PIK3C2G: variants seen among roughly 807,000 people sequenced by gnomAD.
The protein encoded by PIK3C2G is phosphatidylinositol 3-kinase C2 domain-containing subunit gamma.
A neutral mutation model predicts 181.1 loss-of-function variants in PIK3C2G; 168 were observed. The ratio of observed to expected loss-of-function variants is 0.93; its 90% CI spans 0.82 to 1.05. The LOEUF (loss-of-function observed/expected upper bound fraction) is 1.05. Ranked by LOEUF, PIK3C2G falls within the 50% of genes least tolerant of loss-of-function variation. The probability of loss-of-function intolerance (pLI) is 0.00; values close to 1 mark genes in which losing one functional copy is unlikely to be tolerated. For synonymous variants in PIK3C2G, 573 were observed against 592.2 expected (o/e 0.97, Z 0.47); for missense variants, 1,869 against 1,732.8 (o/e 1.08, Z -1.40).
At chr12:18,543,521 G>GAA (rs1944273447) in intron 25 of PIK3C2G, among the ~76,000 whole-genome samples, 1 of 151,640 alleles carries the variant, frequency 6.6e-6, no homozygotes, top group Non-Finnish European at 1.5e-5. Flanking sequence ...TTATAGCTTT[G>GAA]GGTTTTATAT....
At chr12:18,391,514 G>A (rs1160449362) in intron 15 of PIK3C2G, among the ~76,000 whole-genome samples, 2 of 152,178 alleles carry the variant, frequency 1.3e-5, no homozygotes, top group Admixed American at 1.3e-4. Flanking sequence ...ACAAAGCAGA[G>A]AGTGATCATA....
At chr12:18,331,963 T>C (rs1938019366) in intron 8 of PIK3C2G, among the ~76,000 whole-genome samples, 1 of 152,168 alleles carries the variant, frequency 6.6e-6, no homozygotes, top group Non-Finnish European at 1.5e-5. Context: ...ATTTTAAAAA[T>C]CTTTTTATTA....
intron 5 of PIK3C2G, among the ~76,000 whole-genome samples, chr12:18,312,634 G>T (rs1431619531): frequency 6.6e-6 from 1 of 152,070 alleles, no homozygotes; most frequent in Non-Finnish European, 1.5e-5. Flanking sequence ...CATGACTTTT[G>T]TCTAGATTGG....
Position 18,368,209 on chromosome 12 carries a change from G to A in PIK3C2G, c.1749-2971G>A, listed in dbSNP as rs191740813. ...CATTTCATCTGTCTACAAGGAATGT[G>A]TTTTTTACAAACCTGTGTATTAAAT... On this transcript the variant is annotated intron_variant, in intron 12 of 32. Transcript: ENST00000538779. Among the ~76,000 whole-genome samples the A allele has an allele frequency of 4.2e-3, 639 of 152,208 alleles. 3 individuals are homozygous for A. The highest frequency in any genetic ancestry group is 3.9e-3 in the Non-Finnish European group (266 of 68,004).
upstream of PIK3C2G, among the ~76,000 whole-genome samples, chr12:18,258,676 A>G (rs1299242821): frequency 4.6e-5 from 7 of 151,018 alleles, no homozygotes; most frequent in African/African-American, 1.7e-4. Context: ...TTCTACTTAT[A>G]TAGCAGTAGA....
At chr12:18,708,652 C>T in the PIK3C2G span, among the ~76,000 whole-genome samples, 337 of 152,108 alleles carry the variant, frequency 2.2e-3, 1 homozygote, top group African/African-American at 7.2e-3. Context: ...CTTTTTGCCA[C>T]GCCCTCGCCA....
the PIK3C2G span, among the ~76,000 whole-genome samples, chr12:18,655,078 G>T: frequency 0.46 from 69,677 of 151,752 alleles, 16,714 homozygotes; most frequent in East Asian, 0.65. Flanking sequence ...AGAGGCTTTT[G>T]ATGTTTCTTG....
At chr12:18,614,814 T>A (rs1948515110) in intron 31 of PIK3C2G, among the ~76,000 whole-genome samples, 3 of 152,112 alleles carry the variant, frequency 2.0e-5, no homozygotes, top group African/African-American at 7.2e-5. Context: ...CAGTCCAATA[T>A]CTTGCCATCT....
chr12:18,583,885 A>C (rs1211476821), intron 29 of PIK3C2G, among the ~76,000 whole-genome samples: 1 of 152,198 alleles, frequency 6.6e-6, no homozygotes, highest in East Asian at 1.9e-4. Context: ...CTGGAATGAC[A>C]GAAATAGAAT....
intron 26 of PIK3C2G, among the ~76,000 whole-genome samples, chr12:18,561,094 C>T (rs958425917): frequency 1.2e-4 from 19 of 152,152 alleles, no homozygotes; most frequent in African/African-American, 4.6e-4. Context: ...AATTCAGAAA[C>T]TTATTTCCTT....
At chr12:18,368,256 A>G (rs1363733047) in intron 12 of PIK3C2G, among the ~76,000 whole-genome samples, 1 of 152,216 alleles carries the variant, frequency 6.6e-6, no homozygotes, top group Non-Finnish European at 1.5e-5. Context: ...GATACAAATT[A>G]TTGTAATAAT....
At chr12:18,248,476 G>C (rs35103180) in intron 1 of PIK3C2G, among the ~76,000 whole-genome samples, 52,438 of 151,818 alleles carry the variant, frequency 0.35, 9,341 homozygotes, top group Non-Finnish European at 0.4. Flanking sequence ...GGGAGGCTGA[G>C]GCAGGAGAAT....
intron 20 of PIK3C2G, among the ~76,000 whole-genome samples, chr12:18,494,742 T>C (rs1033376055): frequency 4.6e-5 from 7 of 152,152 alleles, no homozygotes; most frequent in Admixed American, 1.3e-4. Context: ...TTCAATACCA[T>C]GATATATGGT....
At chr12:18,683,858 A>C in the PIK3C2G span, among the ~76,000 whole-genome samples, 5 of 152,002 alleles carry the variant, frequency 3.3e-5, no homozygotes, top group Non-Finnish European at 7.4e-5. Flanking sequence ...ACTACTCTTT[A>C]CTGAAACAGA....
intron 18 of PIK3C2G, among the ~76,000 whole-genome samples, chr12:18,481,117 G>C (rs1198653261): frequency 6.6e-6 from 1 of 151,790 alleles, no homozygotes; most frequent in Non-Finnish European, 1.5e-5. Flanking sequence ...TGTATTTTTA[G>C]TAGAGACAGG....
intron 32 of PIK3C2G, among the ~76,000 whole-genome samples, chr12:18,642,168 T>G (rs115236409): frequency 0.012 from 1,756 of 152,310 alleles, 27 homozygotes; most frequent in African/African-American, 0.04. Flanking sequence ...GGGTCGAAAC[T>G]AAGAAACTCT....
intron 30 of PIK3C2G, among the ~76,000 whole-genome samples, chr12:18,598,809 C>A (rs1157939679): frequency 6.6e-6 from 1 of 151,190 alleles, no homozygotes; most frequent in Non-Finnish European, 1.5e-5. Flanking sequence ...CAAGAAAAAA[C>A]AAACAACCCC....
intron 19 of PIK3C2G, among the ~76,000 whole-genome samples, chr12:18,490,910 A>G (rs1940503617): frequency 6.6e-6 from 1 of 152,130 alleles, no homozygotes; most frequent in African/African-American, 2.4e-5. Flanking sequence ...ACAGAAATAT[A>G]CTCATTGATG....
At chr12:18,310,825 TA>T (rs1238767744) in intron 5 of PIK3C2G, among the ~76,000 whole-genome samples, 2 of 152,052 alleles carry the variant, frequency 1.3e-5, no homozygotes, top group East Asian at 3.9e-4. Flanking sequence ...GGCATTACTA[TA>T]ACTTGGATAG....
Sources: gnomAD v4.1 joint callset for allele counts (sites outside exome capture counted in the v4.1 genomes callset) on GRCh38, gnomAD v4.1.1 for gene constraint, MANE v1.5 for transcripts, NCBI Gene and HGNC (gene_info 2026-07-23, HGNC 2026-07-21) for gene names.